TMEM87A: variants seen among roughly 807,000 people sequenced by gnomAD.
TMEM87A encodes the protein Golgi-pH regulating cation channel.
A neutral mutation model predicts 90.0 loss-of-function variants in TMEM87A; 50 were observed. That is an observed-to-expected ratio of 0.56 (90% confidence interval 0.44 to 0.70). The LOEUF is 0.70. TMEM87A is among the 30% of genes least tolerant of loss of function. The pLI, the probability that TMEM87A is intolerant of heterozygous loss-of-function variation, is 0.00. For missense variants in TMEM87A, 577 were observed against 660.5 expected, an observed-to-expected ratio of 0.87 and a Z score of 1.39; for synonymous variants, 226 against 226.7, an observed-to-expected ratio of 1.00 and a Z score of 0.03.
intron 6 of TMEM87A, among the ~76,000 whole-genome samples, chr15:42,250,464 G>A (rs2051062898): frequency 6.6e-6 from 1 of 152,086 alleles, no homozygotes; most frequent in African/African-American, 2.4e-5. Flanking sequence ...CAGGCCTGGT[G>A]GTGACAAAAA....
Position 42,272,090 on chromosome 15 carries a change from A to G in TMEM87A, c.178T>C (p.Phe60Leu). ...TTCAGGAAGATAGTGGTATTTCTGA[A>G]GAGGATCTTTCCAAAACTAAAATAA... ...KNYFSFGKIL[F>L]RNTTIFLKFD... Residue 60 changes from phenylalanine (F) to leucine (L), a missense_variant, in exon 2 of 20, where the codon TTC becomes CTC. Phe to Leu is a conservative substitution (Grantham distance 22). Transcript: ENST00000389834. 2 of 1,607,586 alleles carry G rather than the reference A, an allele frequency of 1.2e-6. No individual in the cohort carries two copies. The highest frequency in any genetic ancestry group is 2.2e-5 in the South Asian group (2 of 89,068).
intron 6 of TMEM87A, among the ~76,000 whole-genome samples, chr15:42,250,710 T>C (rs897360833): frequency 3.9e-5 from 6 of 152,202 alleles, no homozygotes; most frequent in African/African-American, 1.4e-4. Context: ...CTGACAATTA[T>C]GTGTCTTGGG....
chr15:42,219,062 T>C, intron 17 of TMEM87A: 1 of 155,090 alleles, frequency 6.4e-6, no homozygotes, highest in Non-Finnish European at 1.4e-5. Flanking sequence ...TCCATGTCCT[T>C]GCCAACACTT....
At chr15:42,212,983 G>A (rs1375569287) in intron 19 of TMEM87A, among the ~76,000 whole-genome samples, 1 of 152,166 alleles carries the variant, frequency 6.6e-6, no homozygotes, top group Non-Finnish European at 1.5e-5. Context: ...AATAACACAT[G>A]GAAAAATTCC....
chr15:42,260,709 G>C (rs1418940577), intron 6 of TMEM87A, among the ~76,000 whole-genome samples: 1 of 152,122 alleles, frequency 6.6e-6, no homozygotes, highest in Non-Finnish European at 1.5e-5. Context: ...CCTGTTTACA[G>C]ATATTTATGG....
At chr15:42,253,793 A>G (rs1453790702) in intron 6 of TMEM87A, among the ~76,000 whole-genome samples, 1 of 152,212 alleles carries the variant, frequency 6.6e-6, no homozygotes, top group Non-Finnish European at 1.5e-5. Context: ...GCTGAATGTG[A>G]TAGCTTTCAT....
At chr15:42,234,130 TA>T (rs1566928746) in intron 10 of TMEM87A, among the ~76,000 whole-genome samples, 1 of 152,168 alleles carries the variant, frequency 6.6e-6, no homozygotes, top group African/African-American at 2.4e-5. Flanking sequence ...CCATCAAATC[TA>T]AAAATTCTAA....
chr15:42,271,955 G>T, intron 2 of TMEM87A, 108 bp downstream of exon 2: 3 of 887,844 alleles, frequency 3.4e-6, no homozygotes, highest in Non-Finnish European at 5.1e-6. Context: ...TTTATACCTA[G>T]ATAATGCCAG....
intron 19 of TMEM87A, among the ~76,000 whole-genome samples, chr15:42,212,704 C>A (rs2050312870): frequency 6.6e-6 from 1 of 152,120 alleles, no homozygotes; most frequent in African/African-American, 2.4e-5. Flanking sequence ...TTATTTTACC[C>A]TCATAATGAT....
rs1250907115 is a variant in TMEM87A, at chr15:42,231,247, A to C, written c.1076T>G (p.Leu359Arg). The C allele has an allele frequency of 6.3e-7, 1 of 1,590,416 alleles. No individual in the cohort carries two copies. Among genetic ancestry groups the C allele is most frequent in the Non-Finnish European group, 8.5e-7 (1 of 1,170,376 alleles). ...CAAGGGGATAAAGGCCAAGGAAGCAAGATCAGTCTGGGCCTGCAGACAAAG... is the reference window on the plus strand; with the variant it reads ...CAAGGGGATAAAGGCCAAGGAAGCACGATCAGTCTGGGCCTGCAGACAAAG... ...VLRVTGAQTDLASLAFIPLAF... is the reference protein window; with the variant it reads ...VLRVTGAQTDRASLAFIPLAF... Residue 359 changes from leucine (L) to arginine (R), a missense_variant, in exon 12 of 20, where the codon CTT becomes CGT. By Grantham distance (102) the Leu-to-Arg change is moderately radical. Coordinates refer to ENST00000389834, the MANE Select transcript of TMEM87A (RefSeq NM_015497.5).
intron 6 of TMEM87A, among the ~76,000 whole-genome samples, chr15:42,255,927 A>G (rs960627268): frequency 8.2e-5 from 11 of 133,876 alleles, no homozygotes; most frequent in African/African-American, 2.8e-4. Flanking sequence ...GCGCCACCAC[A>G]CCCAGCTAAT....
At chr15:42,218,093 A>G in intron 18 of TMEM87A, 1 of 620,238 alleles carries the variant, frequency 1.6e-6, no homozygotes, top group Non-Finnish European at 2.8e-6. Context: ...TAAAAATTTC[A>G]AAAGGAGTAT....
chr15:42,264,188 A>G lies in TMEM87A; in HGVS notation c.307T>C (p.Leu103=). The change falls in exon 4 of 20, where the codon TTG becomes CTG. Residue 103 remains leucine, a synonymous_variant. Coordinates refer to ENST00000389834, the MANE Select transcript of TMEM87A (RefSeq NM_015497.5). ...IYNFKAEEVE[L]YLEKLKEKRG... Reference sequence around the variant, plus strand: ...TTTTCCTTAAGTTTTTCCAAATACAACTCTACTTCTTCTGCCTGGAAAAAG... The same window carrying G: ...TTTTCCTTAAGTTTTTCCAAATACAGCTCTACTTCTTCTGCCTGGAAAAAG... The G allele has an allele frequency of 6.2e-7, 1 of 1,612,684 alleles. No homozygotes were observed. The highest frequency in any genetic ancestry group is 1.1e-5 in the South Asian group (1 of 90,966).
chr15:42,273,235 T>G lies in TMEM87A; in HGVS notation c.144+20A>C, dbSNP rs750851583. The G allele has an allele frequency of 6.2e-7, 1 of 1,613,796 alleles. No individual in the cohort carries two copies. Among genetic ancestry groups the G allele is most frequent in the East Asian group, 2.2e-5 (1 of 44,874 alleles). On this transcript the variant is annotated intron_variant, in intron 1 of 19. Coordinates refer to ENST00000389834, the MANE Select transcript of TMEM87A (RefSeq NM_015497.5). Reference sequence around the variant, plus strand: ...CCCCTTGCTCCTCTAGGTTCAGACGTTAGTGAAGTGAATACTCACCGACGG... The same window carrying G: ...CCCCTTGCTCCTCTAGGTTCAGACGGTAGTGAAGTGAATACTCACCGACGG...
rs1018210501 is a variant in TMEM87A, at chr15:42,211,865, T to A, written c.1627-116A>T. On this transcript the variant is annotated intron_variant, in intron 19 of 19. Transcript: ENST00000389834. ...CCACGAGTACTTTATGTTAATTAAA[T>A]GTTTAGAGAAATGGTTCCTAAACAT... 3.1e-6 allele frequency: 3 copies of A among 968,692 alleles called. No individual in the cohort carries two copies. The African/African-American group carries it at 4.9e-5, about 16-fold the overall frequency. 60.0% of individuals were successfully genotyped at this position (968,692 alleles called of 1,614,324 possible).
rs1459389563 is a variant in TMEM87A, at chr15:42,273,292, G to A, written c.107C>T (p.Ala36Val). Reference protein sequence around the residue: ...FFSAGPATVAAADRSKWHIPI... With the variant: ...FFSAGPATVAVADRSKWHIPI... ...AATGTGCCATTTGGACCGGTCGGCA[G>A]CAGCTACGGTTGCCGGTCCCGCACT... Residue 36 changes from alanine to valine, a missense_variant, in exon 1 of 20, where the codon GCT becomes GTT. Coordinates refer to ENST00000389834, the MANE Select transcript of TMEM87A (RefSeq NM_015497.5). 6.2e-7 allele frequency: 1 copy of A among 1,614,188 alleles called. No individual in the cohort carries two copies.
intron 7 of TMEM87A, 87 bp downstream of exon 7, chr15:42,243,963 G>A: frequency 2.6e-6 from 2 of 756,420 alleles, no homozygotes; most frequent in Non-Finnish European, 4.1e-6. Context: ...TCTGATACCT[G>A]TAATACCTAA....
intron 1 of TMEM87A, chr15:42,272,767 A>AG: frequency 2.8e-6 from 1 of 358,162 alleles, no homozygotes; most frequent in Non-Finnish European, 5.4e-6. Context: ...GTCACACAGT[A>AG]AAGCTTAGAA....
chr15:42,263,308 A>G (rs1291635188), intron 4 of TMEM87A, among the ~76,000 whole-genome samples: 1 of 152,218 alleles, frequency 6.6e-6, no homozygotes, highest in Non-Finnish European at 1.5e-5. Context: ...AAAAAGAACA[A>G]AAGTTGTATG....
Sources: gnomAD v4.1 joint callset for allele counts (sites outside exome capture counted in the v4.1 genomes callset) on GRCh38, gnomAD v4.1.1 for gene constraint, MANE v1.5 for transcripts, NCBI Gene and HGNC (gene_info 2026-07-23, HGNC 2026-07-21) for gene names.